ZNF347: variants seen among roughly 807,000 people sequenced by gnomAD.
The protein encoded by ZNF347 is zinc finger protein 347.
ZNF347 carries 19 observed loss-of-function variants against 12.9 expected under a neutral mutation model. The observed-to-expected ratio is 1.47, with a 90% CI of 1.03 to 2.16. The LOEUF (loss-of-function observed/expected upper bound fraction) is 2.16. Ranked by LOEUF, ZNF347 falls within the 30% of genes most tolerant of loss-of-function variation. ZNF347 has a pLI of 0.00. For synonymous variants in ZNF347, 328 were observed against 340.6 expected (o/e 0.96, Z 0.41); for missense variants, 1,005 against 990.6 (o/e 1.01, Z -0.19).
intron 3 of ZNF347, 162 bp from the exon 4 acceptor site, chr19:53,148,971 T>C (rs2090480589): frequency 7.3e-6 from 8 of 1,099,776 alleles, no homozygotes; most frequent in Admixed American, 2.8e-5. Flanking sequence ...CACTATAATA[T>C]GCAAATATAT....
Position 53,148,665 on chromosome 19 carries a change from C to T in ZNF347, c.271+16G>A, listed in dbSNP as rs772660834. ...ATTTAATAAACGGCATTTTCTCTAC[C>T]CATCTGAACTCTTACCTGTGATCAC... On this transcript the variant is annotated intron_variant, in intron 4 of 4. Coordinates refer to ENST00000334197, the MANE Select transcript of ZNF347 (RefSeq NM_032584.3). The T allele has an allele frequency of 1.2e-6, 2 of 1,601,648 alleles. No individual in the cohort carries two copies. The highest frequency in any genetic ancestry group is 2.2e-5 in the South Asian group (2 of 89,014).
intron 4 of ZNF347, among the ~76,000 whole-genome samples, chr19:53,145,290 GA>G (rs35614813): frequency 3.6e-4 from 45 of 124,132 alleles, no homozygotes; most frequent in African/African-American, 9.2e-4. Context: ...AGTCTGTCTA[GA>G]AAAAAAAAAA....
intron 2 of ZNF347, 131 bp downstream of exon 2, chr19:53,153,602 G>C: frequency 2.8e-6 from 4 of 1,449,612 alleles, no homozygotes; most frequent in South Asian, 2.3e-5. Context: ...GGGACTGAGG[G>C]AAGGCACGCG....
Position 53,147,479 on chromosome 19 carries a change from G to A in ZNF347, c.271+1202C>T, listed in dbSNP as rs149175492. 2.0e-3 allele frequency among the ~76,000 whole-genome samples: 302 copies of A among 152,088 alleles called. 1 individual carries two copies. The highest frequency in any genetic ancestry group is 3.5e-3 in the Non-Finnish European group (237 of 67,992). ...AGGATGTGGAGGGAGGGTCAGTTGA[G>A]CCCAAGAGTCTGAGTTTGCAGTAAG... On this transcript the variant is annotated intron_variant, in intron 4 of 4. Coordinates refer to ENST00000334197, the MANE Select transcript of ZNF347 (RefSeq NM_032584.3).
In ZNF347 at chr19:53,138,709, C is replaced by A. The variant is rs1022552987; in HGVS notation, c.*1599G>T. The A allele has an allele frequency of 6.6e-6, 1 of 152,048 alleles. No homozygotes were observed. Among genetic ancestry groups the A allele is most frequent in the Non-Finnish European group, 1.5e-5 (1 of 68,012 alleles). 9.4% of individuals were successfully genotyped at this position (152,048 alleles called of 1,614,324 possible). A position where few individuals can be genotyped will look rare whatever the true frequency, so the allele number is the denominator to read the frequency against. Reference sequence around the variant, plus strand: ...AAAAAAATTGTTCTACATCCTCCAACCTAAAAGACTGAGTGTATTGTTATT... The same window carrying A: ...AAAAAAATTGTTCTACATCCTCCAAACTAAAAGACTGAGTGTATTGTTATT... On this transcript the variant is annotated 3_prime_UTR_variant, in exon 5 of 5. Coordinates refer to ENST00000334197, the MANE Select transcript of ZNF347 (RefSeq NM_032584.3).
rs1236588479 is a variant in ZNF347 at position 53,142,369 on chromosome 19, T to C, written c.459A>G (p.Lys153=). The change falls in exon 5 of 5, where the codon AAA becomes AAG. Residue 153 remains lysine (K), a synonymous_variant. Transcript: ENST00000334197. ...YQCRDAEGNY[K]GVLLTQEGNL... is the part of the protein sequence containing the mutation. ...TGCCTTCTTGGGTCAAAAGCACTCC[T>C]TTGTAATTTCCTTCAGCATCTCTGC... is the stretch of plus-strand genomic sequence containing the variant. 1 of 1,614,128 alleles carries C rather than the reference T, an allele frequency of 6.2e-7. No homozygotes were observed. Among genetic ancestry groups the C allele is most frequent in the Admixed American group, 1.7e-5 (1 of 60,012 alleles).
At chr19:53,147,943 T>C (rs1206450345) in intron 4 of ZNF347, among the ~76,000 whole-genome samples, 12 of 152,146 alleles carry the variant, frequency 7.9e-5, no homozygotes, top group South Asian at 6.2e-4. Flanking sequence ...TGCTGGGAAA[T>C]GACTCAATAA....
intron 1 of ZNF347, among the ~76,000 whole-genome samples, chr19:53,156,129 T>A (rs2090534449): frequency 6.8e-6 from 1 of 147,402 alleles, no homozygotes. Flanking sequence ...CCGGGCACAG[T>A]GGCTCATGCC....
chr19:53,148,014 A>C (rs1313578412), intron 4 of ZNF347, among the ~76,000 whole-genome samples: 1 of 152,132 alleles, frequency 6.6e-6, no homozygotes, highest in African/African-American at 2.4e-5. Context: ...AACATACCTA[A>C]GCATGATAAA....
chr19:53,154,710 T>A (rs931520545), intron 1 of ZNF347, among the ~76,000 whole-genome samples: 1 of 152,006 alleles, frequency 6.6e-6, no homozygotes, highest in Non-Finnish European at 1.5e-5. Flanking sequence ...AATGGAAAGA[T>A]GACAGGAAAT....
Position 53,140,107 on chromosome 19 carries a change from T to C in ZNF347, c.*201A>G, listed in dbSNP as rs1265049095. 4 of 517,398 alleles carry C rather than the reference T, an allele frequency of 7.7e-6. No homozygotes were observed. Among genetic ancestry groups the C allele is most frequent in the Middle Eastern group, 5.0e-4 (1 of 1,986 alleles). 32.1% of individuals were successfully genotyped at this position (517,398 alleles called of 1,614,324 possible). On this transcript the variant is annotated 3_prime_UTR_variant, in exon 5 of 5. Coordinates refer to ENST00000334197, the MANE Select transcript of ZNF347 (RefSeq NM_032584.3). ...TAGAAATGGGGTTTCGCCATGTTGG[T>C]CAGGCTGGTCTTGAACTCCTGACCT...
chr19:53,148,994 A>C, intron 3 of ZNF347, 185 bp from the exon 4 acceptor site: 1 of 1,086,194 alleles, frequency 9.2e-7, no homozygotes, highest in Non-Finnish European at 1.3e-6. Flanking sequence ...CTCTCATCCC[A>C]AAACCACTGA....
intron 1 of ZNF347, chr19:53,158,604 AAGGTCTGT>A (rs2146820512): frequency 6.6e-6 from 1 of 152,306 alleles, no homozygotes; most frequent in African/African-American, 2.4e-5. Flanking sequence ...CGGGGATCTT[AAGGTCTGT>A]AGCTGCCGGG....
At position 53,135,928 on chromosome 19, in the gene ZNF347, G is replaced by A. The variant is rs1276019373; in HGVS notation, c.*4380C>T. 1 of 152,040 alleles carries A rather than the reference G, an allele frequency of 6.6e-6. No homozygotes were observed. The highest frequency in any genetic ancestry group is 1.5e-5 in the Non-Finnish European group (1 of 68,028). 9.4% of individuals were successfully genotyped at this position (152,040 alleles called of 1,614,324 possible). On this transcript the variant is annotated 3_prime_UTR_variant, in exon 5 of 5. Transcript: ENST00000334197. ...AATGGCAGCTGTCATTGCAAAAGTTGCACAAATATCATGTTTTGCTGTAAG... is the reference window on the plus strand; with the variant it reads ...AATGGCAGCTGTCATTGCAAAAGTTACACAAATATCATGTTTTGCTGTAAG...
At position 53,153,768 on chromosome 19, in the gene ZNF347, C is replaced by G; in HGVS notation, c.-21G>C. ...GCCATGCCTGACTTGTCTTTCTTTC[C>G]TCTTCCTCTTCTTCAAGGGTTCTTC... On this transcript the variant is annotated 5_prime_UTR_variant, in exon 2 of 5. Transcript: ENST00000334197. The G allele has an allele frequency of 6.2e-7, 1 of 1,614,112 alleles. No homozygotes were observed. Among genetic ancestry groups the G allele is most frequent in the Non-Finnish European group, 8.5e-7 (1 of 1,179,958 alleles).
chr19:53,137,367 T>C lies in ZNF347; in HGVS notation c.*2941A>G, dbSNP rs2090393289. ...CCCTCCTTTGGCACTAGATGGAAGT[T>C]CAAATCACGTGTGGGATCCTCACCC... On this transcript the variant is annotated 3_prime_UTR_variant, in exon 5 of 5. Transcript: ENST00000334197. 6.6e-6 allele frequency: 1 copy of C among 152,156 alleles called. No individual in the cohort carries two copies. Among genetic ancestry groups the C allele is most frequent in the African/African-American group, 2.4e-5 (1 of 41,434 alleles). 9.4% of individuals were successfully genotyped at this position (152,156 alleles called of 1,614,324 possible).
Position 53,141,083 on chromosome 19 carries a change from G to C in ZNF347, c.1745C>G (p.Ser582Ter). 1 of 1,613,980 alleles carries C rather than the reference G, an allele frequency of 6.2e-7. No homozygotes were observed. The highest frequency in any genetic ancestry group is 8.5e-7 in the Non-Finnish European group (1 of 1,179,964). Reference sequence around the variant, plus strand: ...AATTCCCCGATGTCTTGCAAGGTGTGAATTCTGAGTGAAGACCTTGCCACA... The same window carrying C: ...AATTCCCCGATGTCTTGCAAGGTGTCAATTCTGAGTGAAGACCTTGCCACA... ...NECGKVFTQN[S>*]HLARHRGIHT... Residue 582 changes from serine (S) to a stop codon, truncating the protein, a stop_gained, in exon 5 of 5, where the codon TCA becomes TGA. Coordinates refer to ENST00000334197, the MANE Select transcript of ZNF347 (RefSeq NM_032584.3). LOFTEE classifies it low-confidence loss of function (END_TRUNC).
intron 1 of ZNF347, among the ~76,000 whole-genome samples, chr19:53,157,697 C>T (rs1426088900): frequency 7.9e-5 from 12 of 152,160 alleles, no homozygotes; most frequent in Admixed American, 3.9e-4. Flanking sequence ...TCCCAGGCCT[C>T]CCCCTGCTGT....
chr19:53,143,017 G>A (rs2090439766), intron 4 of ZNF347, among the ~76,000 whole-genome samples: 1 of 151,930 alleles, frequency 6.6e-6, no homozygotes, highest in Admixed American at 6.6e-5. Flanking sequence ...TTACTAAGAG[G>A]GCTAAAAGAT....
Sources: allele counts gnomAD v4.1 joint callset (sites outside exome capture counted in the v4.1 genomes callset), GRCh38; gene constraint gnomAD v4.1.1; transcripts MANE v1.5; gene names NCBI Gene and HGNC (gene_info 2026-07-23, HGNC 2026-07-21).